Variants in TDRD3 observed in about 807,000 individuals in gnomAD.
The protein encoded by TDRD3 is tudor domain-containing protein 3.
Under a neutral mutation model 86.7 loss-of-function variants are expected in TDRD3, and 45 were observed. The ratio of observed to expected loss-of-function variants is 0.52; its 90% CI spans 0.41 to 0.67. The LOEUF (loss-of-function observed/expected upper bound fraction) is 0.67. Ranked by LOEUF, TDRD3 falls within the 30% of genes least tolerant of loss-of-function variation. The pLI, the probability that TDRD3 is intolerant of heterozygous loss-of-function variation, is 0.00. For synonymous variants in TDRD3, 298 were observed against 301.7 expected, an observed-to-expected ratio of 0.99 and a Z score of 0.13; for missense variants, 814 against 889.0, an observed-to-expected ratio of 0.92 and a Z score of 1.07.
chr13:60,508,370 A>G (rs1291352101), intron 8 of TDRD3, among the ~76,000 whole-genome samples: 1 of 152,208 alleles, frequency 6.6e-6, no homozygotes, highest in African/African-American at 2.4e-5. Flanking sequence ...TTCAAACTAT[A>G]CTAAAAGGCT....
intron 10 of TDRD3, among the ~76,000 whole-genome samples, chr13:60,523,602 A>T (rs1202015688): frequency 2.4e-5 from 3 of 125,326 alleles, no homozygotes; most frequent in African/African-American, 9.4e-5. Context: ...TTTGAGACAG[A>T]GTCTTGCTCT....
chr13:60,479,954 T>A (rs999023047), intron 5 of TDRD3, among the ~76,000 whole-genome samples: 3 of 152,208 alleles, frequency 2.0e-5, no homozygotes, highest in Non-Finnish European at 4.4e-5. Flanking sequence ...TTTATCCAAC[T>A]TGCCATCGTA....
At chr13:60,546,329 A>G (rs1254924287) in intron 12 of TDRD3, among the ~76,000 whole-genome samples, 1 of 152,186 alleles carries the variant, frequency 6.6e-6, no homozygotes, top group African/African-American at 2.4e-5. Context: ...AAAATTTCTC[A>G]TTAAATACAT....
At chr13:60,537,920 G>C (rs1957733291) in intron 12 of TDRD3, 1 of 151,952 alleles carries the variant, frequency 6.6e-6, no homozygotes, top group African/African-American at 2.4e-5. Flanking sequence ...AGTCAAAAAA[G>C]CCTGCATATA....
intron 12 of TDRD3, among the ~76,000 whole-genome samples, chr13:60,549,947 GATAAT>G (rs1958011486): frequency 6.6e-6 from 1 of 151,914 alleles, no homozygotes; most frequent in Admixed American, 6.6e-5. Flanking sequence ...ATACTTTTAT[GATAAT>G]ATAATTAATT....
At chr13:60,562,720 T>C (rs940500780) in intron 12 of TDRD3, among the ~76,000 whole-genome samples, 2 of 152,250 alleles carry the variant, frequency 1.3e-5, no homozygotes, top group African/African-American at 4.8e-5. Flanking sequence ...GTGACTACTA[T>C]ACAAATTCTG....
intron 7 of TDRD3, among the ~76,000 whole-genome samples, chr13:60,492,634 C>T (rs935263667): frequency 6.6e-6 from 1 of 152,006 alleles, no homozygotes; most frequent in Non-Finnish European, 1.5e-5. Context: ...TTAATAAATA[C>T]GTTTTTCTAG....
At chr13:60,453,328 A>G (rs1419199088) in intron 3 of TDRD3, among the ~76,000 whole-genome samples, 1 of 152,218 alleles carries the variant, frequency 6.6e-6, no homozygotes, top group Non-Finnish European at 1.5e-5. Flanking sequence ...TAGGAAAACG[A>G]GTAACATGTA....
intron 5 of TDRD3, among the ~76,000 whole-genome samples, chr13:60,473,375 C>G (rs938082981): frequency 1.3e-5 from 2 of 152,188 alleles, no homozygotes; most frequent in Non-Finnish European, 2.9e-5. Context: ...TTTGGAGAGA[C>G]AGTCAAATCA....
chr13:60,573,416 CA>C (rs1958632280), intron 13 of TDRD3, among the ~76,000 whole-genome samples, 199 bp from the exon 14 acceptor site: 1 of 152,014 alleles, frequency 6.6e-6, no homozygotes, highest in Non-Finnish European at 1.5e-5. Context: ...AATTTATTTT[CA>C]AAAAAATTTT....
intron 1 of TDRD3, among the ~76,000 whole-genome samples, chr13:60,405,481 G>C (rs1378672905): frequency 6.6e-6 from 1 of 152,140 alleles, no homozygotes; most frequent in Non-Finnish European, 1.5e-5. Context: ...ATTACTAAAG[G>C]GGAGTTCGTG....
chr13:60,466,436 C>CT (rs937140680), intron 4 of TDRD3, among the ~76,000 whole-genome samples: 21 of 151,186 alleles, frequency 1.4e-4, no homozygotes, highest in African/African-American at 4.6e-4. Context: ...TATTGTCCAC[C>CT]TTTTTTTTTC....
chr13:60,458,876 T>A (rs1339434060), intron 3 of TDRD3, among the ~76,000 whole-genome samples: 2 of 152,232 alleles, frequency 1.3e-5, no homozygotes, highest in African/African-American at 4.8e-5. Context: ...AACAGAATTA[T>A]GAGCTATAAT....
intron 1 of TDRD3, among the ~76,000 whole-genome samples, chr13:60,403,897 G>C (rs1016074490): frequency 6.6e-6 from 1 of 152,142 alleles, no homozygotes; most frequent in African/African-American, 2.4e-5. Flanking sequence ...AGAGAAATAT[G>C]TAACTCTATA....
At chr13:60,409,349 A>C (rs991098029) in intron 1 of TDRD3, among the ~76,000 whole-genome samples, 12 of 152,162 alleles carry the variant, frequency 7.9e-5, no homozygotes, top group Admixed American at 3.9e-4. Context: ...TGTGAGAAGA[A>C]GGCCACTGTC....
At chr13:60,553,282 A>G (rs1282773299) in intron 12 of TDRD3, among the ~76,000 whole-genome samples, 3 of 152,212 alleles carry the variant, frequency 2.0e-5, no homozygotes. Context: ...TTCTTCAGCC[A>G]GATACCCTAA....
chr13:60,541,920 T>C (rs975261018), intron 12 of TDRD3, among the ~76,000 whole-genome samples: 23 of 148,014 alleles, frequency 1.6e-4, no homozygotes, highest in African/African-American at 6.1e-4. Context: ...AGAGACAGGG[T>C]TTCTCCATGT....
chr13:60,471,899 A>G (rs1566219545), intron 5 of TDRD3, among the ~76,000 whole-genome samples: 1 of 152,110 alleles, frequency 6.6e-6, no homozygotes, highest in Non-Finnish European at 1.5e-5. Flanking sequence ...AAAACTTTTA[A>G]TATAGTGTTG....
rs546574324 is a variant in TDRD3 at position 60,518,542 on chromosome 13, A to G, written c.1141+7787A>G. Among the ~76,000 whole-genome samples, 417 of 152,308 alleles carry G rather than the reference A, an allele frequency of 2.7e-3. 2 individuals are homozygous for G. Among genetic ancestry groups the G allele is most frequent in the African/African-American group, 9.3e-3 (386 of 41,564 alleles). On this transcript the variant is annotated intron_variant, in intron 10 of 13. Coordinates refer to ENST00000377881, the MANE Select transcript of TDRD3 (RefSeq NM_001146070.2). Reference sequence around the variant, plus strand: ...ATTTAAAAAAAAACTGGTGAGTGAAAAACACCTTGTCCTGCCATTGATGTG... The same window carrying G: ...ATTTAAAAAAAAACTGGTGAGTGAAGAACACCTTGTCCTGCCATTGATGTG...
Sources: allele counts gnomAD v4.1 joint callset (sites outside exome capture counted in the v4.1 genomes callset), GRCh38; gene constraint gnomAD v4.1.1; transcripts MANE v1.5; gene names NCBI Gene and HGNC (gene_info 2026-07-23, HGNC 2026-07-21).